FMN2: variants seen among roughly 807,000 people sequenced by gnomAD.
The protein encoded by FMN2 is formin-2.
Under a neutral mutation model 142.3 loss-of-function variants are expected in FMN2, and 51 were observed. The ratio of observed to expected loss-of-function variants is 0.36; its 90% CI spans 0.29 to 0.45. The LOEUF is 0.45. Ranked by LOEUF, FMN2 falls within the 20% of genes least tolerant of loss-of-function variation. The pLI is 1.00. For missense variants in FMN2, 1,936 were observed against 2,122.8 expected, an observed-to-expected ratio of 0.91 and a Z score of 1.73; for synonymous variants, 882 against 869.8, an observed-to-expected ratio of 1.01 and a Z score of -0.25.
At chr1:240,197,316 T>A (rs904391973) in intron 4 of FMN2, among the ~76,000 whole-genome samples, 12 of 152,208 alleles carry the variant, frequency 7.9e-5, no homozygotes, top group African/African-American at 2.9e-4. Context: ...CATCCATCTC[T>A]TCATCTGCAT....
intron 2 of FMN2, among the ~76,000 whole-genome samples, chr1:240,167,303 G>T (rs972122029): frequency 6.6e-6 from 1 of 151,506 alleles, no homozygotes; most frequent in African/African-American, 2.4e-5. Flanking sequence ...ATTTTGGGTG[G>T]GGGGGACAGA....
At chr1:240,367,688 A>G (rs898762629) in intron 14 of FMN2, among the ~76,000 whole-genome samples, 3 of 150,076 alleles carry the variant, frequency 2.0e-5, no homozygotes, top group African/African-American at 7.4e-5. Context: ...GAATGGCGTG[A>G]ACCTGGGAGG....
chr1:240,247,894 T>C (rs144876110), intron 6 of FMN2, among the ~76,000 whole-genome samples: 37 of 152,360 alleles, frequency 2.4e-4, no homozygotes, highest in Non-Finnish European at 2.5e-4. Flanking sequence ...GAATGCGTGG[T>C]GATGAAGTCT....
intron 1 of FMN2, among the ~76,000 whole-genome samples, chr1:240,119,948 G>A (rs906576848): frequency 1.3e-5 from 2 of 152,160 alleles, no homozygotes; most frequent in East Asian, 1.9e-4. Flanking sequence ...AATCACTTGA[G>A]AATTGAGGGA....
intron 6 of FMN2, among the ~76,000 whole-genome samples, chr1:240,248,671 C>A (rs1439993936): frequency 6.6e-6 from 1 of 151,666 alleles, no homozygotes; most frequent in Non-Finnish European, 1.5e-5. Flanking sequence ...TGAAATATTT[C>A]CATATTGTTT....
intron 15 of FMN2, among the ~76,000 whole-genome samples, chr1:240,418,677 G>A (rs903271132): frequency 2.0e-5 from 3 of 152,168 alleles, no homozygotes; most frequent in Non-Finnish European, 2.9e-5. Flanking sequence ...CCAAAAGATG[G>A]CCAACGTGTA....
intron 16 of FMN2, among the ~76,000 whole-genome samples, chr1:240,465,708 T>C (rs897528768): frequency 2.6e-5 from 4 of 152,158 alleles, no homozygotes; most frequent in Non-Finnish European, 4.4e-5. Flanking sequence ...ACCAAGCTAT[T>C]AATGTTTAGT....
rs781285716 is a variant in FMN2 at position 240,208,408 on chromosome 1, C to T, written c.3596C>T (p.Pro1199Leu). Reference protein sequence around the residue: ...PLPGVGIPPPPPLPGAGIPPP... With the variant: ...PLPGVGIPPPLPLPGAGIPPP... ...CCTGGAGTGGGAATACCTCCTCCGC[C>T]CCCTCTACCTGGTGCTGGGATTCCC... The change falls in exon 5 of 18, where the codon CCC becomes CTC. Residue 1199 changes from proline (P) to leucine (L), a missense_variant. By Grantham distance (98) the Pro-to-Leu change is moderately conservative. Coordinates refer to ENST00000319653, the MANE Select transcript of FMN2 (RefSeq NM_020066.5). 8.8e-6 allele frequency: 14 copies of T among 1,588,480 alleles called. 1 individual carries two copies. In the South Asian group the frequency reaches 1.4e-4, roughly 16 times the overall value.
intron 1 of FMN2, among the ~76,000 whole-genome samples, chr1:240,103,001 A>AC (rs1259400852): frequency 6.6e-6 from 1 of 151,672 alleles, no homozygotes; most frequent in Non-Finnish European, 1.5e-5. Flanking sequence ...AGTAGCTGGG[A>AC]CTATAGGCAC....
chr1:240,381,299 A>G (rs1673219144), intron 14 of FMN2, among the ~76,000 whole-genome samples: 1 of 152,226 alleles, frequency 6.6e-6, no homozygotes, highest in Non-Finnish European at 1.5e-5. Flanking sequence ...CAAATCCAAC[A>G]GCACATCAAA....
At chr1:240,358,169 T>C (rs936413845) in intron 14 of FMN2, among the ~76,000 whole-genome samples, 1 of 152,232 alleles carries the variant, frequency 6.6e-6, no homozygotes, top group Non-Finnish European at 1.5e-5. Flanking sequence ...AAAATTCTTT[T>C]AATGCTTTCA....
intron 14 of FMN2, among the ~76,000 whole-genome samples, chr1:240,374,573 A>T (rs372001530): frequency 6.6e-6 from 1 of 152,128 alleles, no homozygotes; most frequent in African/African-American, 2.4e-5. Flanking sequence ...ACTGACCTCT[A>T]TTGGCTTCAA....
At chr1:240,235,371 T>C (rs887483083) in intron 6 of FMN2, among the ~76,000 whole-genome samples, 4 of 152,128 alleles carry the variant, frequency 2.6e-5, no homozygotes, top group Non-Finnish European at 5.9e-5. Flanking sequence ...ACGCTCCTTT[T>C]ATTTGGATCA....
At chr1:240,449,172 A>G (rs1675923834) in intron 16 of FMN2, among the ~76,000 whole-genome samples, 1 of 151,976 alleles carries the variant, frequency 6.6e-6, no homozygotes, top group Non-Finnish European at 1.5e-5. Flanking sequence ...TAAAGTACAT[A>G]AGAAGAAAAT....
rs34050336 is a variant in FMN2, at chr1:240,184,236, CTTTTTT to C, written c.1931-3952_1931-3947del. 1.7e-3 allele frequency among the ~76,000 whole-genome samples: 137 copies of C among 79,458 alleles called. 2 individuals carry two copies. In the South Asian group the frequency reaches 0.051, roughly 30 times the overall value. The allele number at this position is 79,458 out of a possible 152,430, so 52.1% of individuals were successfully genotyped here. A position where few individuals can be genotyped will look rare whatever the true frequency, so the allele number is the denominator to read the frequency against. On this transcript the variant is annotated intron_variant, in intron 3 of 17. Coordinates refer to ENST00000319653, the MANE Select transcript of FMN2 (RefSeq NM_020066.5). ...AACTTTTTAAAATGGAATATTTAAC[CTTTTTT>C]TTTTTTTTTTTTTTTTTTGAGACTT...
chr1:240,443,752 C>CA (rs57610518), intron 16 of FMN2, among the ~76,000 whole-genome samples: 35 of 147,564 alleles, frequency 2.4e-4, no homozygotes, highest in East Asian at 5.9e-4. Context: ...GACTCAGTCT[C>CA]AAAAAAAAAA....
chr1:240,333,830 C>T, intron 11 of FMN2, 57 bp from the exon 12 acceptor site: 2 of 1,346,198 alleles, frequency 1.5e-6, no homozygotes, highest in Non-Finnish European at 1.0e-6. Flanking sequence ...TTTGGTAACA[C>T]TTTATATTTA....
At chr1:240,298,094 C>T (rs1186036506) in intron 8 of FMN2, among the ~76,000 whole-genome samples, 2 of 152,168 alleles carry the variant, frequency 1.3e-5, no homozygotes, top group Admixed American at 6.5e-5. Context: ...CGTAAACATT[C>T]AGCGTATAGT....
chr1:240,262,645 TA>T (rs1558399891), intron 7 of FMN2, among the ~76,000 whole-genome samples: 1 of 152,178 alleles, frequency 6.6e-6, no homozygotes, highest in Non-Finnish European at 1.5e-5. Context: ...GCTTCAGCTT[TA>T]TCCCCCAACA....
Sources: allele counts gnomAD v4.1 joint callset (sites outside exome capture counted in the v4.1 genomes callset), GRCh38; gene constraint gnomAD v4.1.1; transcripts MANE v1.5; gene names NCBI Gene and HGNC (gene_info 2026-07-23, HGNC 2026-07-21).